ING1: variants seen among roughly 807,000 people sequenced by gnomAD.
ING1 encodes inhibitor of growth family member 1.
A neutral mutation model predicts 23.1 loss-of-function variants in ING1; 4 were observed. That is an observed-to-expected ratio of 0.17 (90% confidence interval 0.09 to 0.40). The LOEUF (loss-of-function observed/expected upper bound fraction) is 0.40. Ranked by LOEUF, ING1 falls within the 10% of genes least tolerant of loss-of-function variation. The pLI is 1.00. For missense variants in ING1, 256 were observed against 393.8 expected (o/e 0.65, Z 2.96); for synonymous variants, 179 against 166.4 (o/e 1.08, Z -0.58).
At chr13:110,713,432 A>G, upstream of ING1, 1 of 999,886 alleles carries the variant, frequency 1.0e-6, no homozygotes, top group Non-Finnish European at 1.2e-6. Context: ...CAAGTGCCAA[A>G]AACTCCTAGT....
In ING1 at chr13:110,714,832, G is replaced by C. The variant is rs13378206; in HGVS notation, c.136+547G>C. 517 of 280,836 alleles carry C rather than the reference G, an allele frequency of 1.8e-3. 4 individuals carry two copies. The highest frequency in any genetic ancestry group is 0.011 in the African/African-American group (481 of 43,926). 17.4% of individuals were successfully genotyped at this position (280,836 alleles called of 1,614,324 possible). A position where few individuals can be genotyped will look rare whatever the true frequency, so the allele number is the denominator to read the frequency against. Reference sequence around the variant, plus strand: ...CCGGGTAGTACTCCGCTCGGGGTAGGTCGGCCGCCCCCGCCCAGCCCCCTC... The same window carrying C: ...CCGGGTAGTACTCCGCTCGGGGTAGCTCGGCCGCCCCCGCCCAGCCCCCTC... On this transcript the variant is annotated intron_variant, in intron 1 of 1. Coordinates refer to ENST00000333219, the MANE Select transcript of ING1 (RefSeq NM_198219.3).
chr13:110,714,883 G>C (rs778354334), intron 1 of ING1: 51 of 724,410 alleles, frequency 7.0e-5, no homozygotes, highest in Non-Finnish European at 7.8e-5. Flanking sequence ...GCTGGACACC[G>C]AGTAGGGGCC....
chr13:110,714,410 C>CGGCAGG lies in ING1; in HGVS notation c.136+132_136+137dup, dbSNP rs1038814855. 37 of 921,662 alleles carry CGGCAGG rather than the reference C, an allele frequency of 4.0e-5. No homozygotes were observed. The Admixed American group carries it at 6.3e-4, about 16-fold the overall frequency. 57.1% of individuals were successfully genotyped at this position (921,662 alleles called of 1,614,324 possible). On this transcript the variant is annotated intron_variant, in intron 1 of 1. Transcript: ENST00000333219. ...CGGCCGGCTCCGCAGCGGCGGCCCT[C>CGGCAGG]GGCAGGGGCAGGAACAAAAGGTCTG...
At position 110,722,933 on chromosome 13, in the gene ING1, A is replaced by G. The variant is rs1018144928; in HGVS notation, c.*3001A>G. 1.3e-5 allele frequency: 2 copies of G among 152,230 alleles called. No individual in the cohort carries two copies. The highest frequency in any genetic ancestry group is 2.9e-5 in the Non-Finnish European group (2 of 68,036). The allele number at this position is 152,230 out of a possible 1,614,324, so 9.4% of individuals were successfully genotyped here. On this transcript the variant is annotated 3_prime_UTR_variant, in exon 2 of 2. Transcript: ENST00000333219. ...ATCCCGACATGAGGACAAAAATGGTACTGAATTCTTTTTGAAAAATAGATT... is the reference window on the plus strand; with the variant it reads ...ATCCCGACATGAGGACAAAAATGGTGCTGAATTCTTTTTGAAAAATAGATT...
chr13:110,717,379 T>A (rs1322586160), intron 1 of ING1, among the ~76,000 whole-genome samples: 1 of 152,210 alleles, frequency 6.6e-6, no homozygotes, highest in Non-Finnish European at 1.5e-5. Context: ...TGGAAAATAT[T>A]ACCATTTAGA....
At position 110,719,419 on chromosome 13, in the gene ING1, C is replaced by T. The variant is rs1594457254; in HGVS notation, c.327C>T (p.His109=). ...VENRTRQVDS[H]VELFEAQQEL... ...ACCGCACGCGGCAGGTGGACAGCCA[C>T]GTGGAGCTGTTCGAGGCGCAGCAGG... The change falls in exon 2 of 2, where the codon CAC becomes CAT. Residue 109 remains histidine, a synonymous_variant. Coordinates refer to ENST00000333219, the MANE Select transcript of ING1 (RefSeq NM_198219.3). The surrounding 1 kb of genome is among the most constrained non-coding windows in gnomAD (Gnocchi z 8.9). 1 of 1,611,636 alleles carries T rather than the reference C, an allele frequency of 6.2e-7. No individual in the cohort carries two copies. The highest frequency in any genetic ancestry group is 1.3e-5 in the African/African-American group (1 of 74,846).
At chr13:110,715,047 G>C in intron 1 of ING1, 1 of 1,003,824 alleles carries the variant, frequency 1.0e-6, no homozygotes, top group Non-Finnish European at 1.2e-6. Context: ...CGCTGGCTTG[G>C]AGAGGACTGT....
chr13:110,715,870 G>A (rs757669390), intron 1 of ING1: 14 of 1,595,216 alleles, frequency 8.8e-6, no homozygotes, highest in Middle Eastern at 3.4e-4. Context: ...TATAGCAGTA[G>A]CAGTGATCCC....
intron 1 of ING1, chr13:110,715,589 G>T: frequency 1.2e-6 from 2 of 1,614,114 alleles, no homozygotes; most frequent in Non-Finnish European, 8.5e-7. Flanking sequence ...GGGGTGGAGG[G>T]TGGACGAGTT....
rs921249175 is a variant in ING1, at chr13:110,719,171, C to A, written c.137-58C>A. The A allele has an allele frequency of 7.1e-6, 11 of 1,556,102 alleles. No individual in the cohort carries two copies. Among genetic ancestry groups the A allele is most frequent in the Non-Finnish European group, 9.7e-6 (11 of 1,135,908 alleles). ...GCCCTCTCCGTAGACCCGTCCGGGG[C>A]CGTGTGGGTTGTCCCGGTGTCCTGC... On this transcript the variant is annotated intron_variant, in intron 1 of 1. Transcript: ENST00000333219. This position sits in a 1 kb window ranked among gnomAD's most constrained non-coding sequence, Gnocchi z 8.9.
intron 1 of ING1, among the ~76,000 whole-genome samples, chr13:110,718,320 GT>G (rs2064141183): frequency 1.3e-5 from 2 of 152,220 alleles, no homozygotes; most frequent in South Asian, 4.1e-4. Context: ...GGAGGCTGAG[GT>G]GGGAGGGTCC....
In ING1 at chr13:110,713,787, C is replaced by G. The variant is rs2064070863; in HGVS notation, c.-363C>G. Reference sequence around the variant, plus strand: ...CGCTCCGCTCCTCTCTTCTACCCAGCCCAGTGGGCGAGTGGGCAGCGGCGG... The same window carrying G: ...CGCTCCGCTCCTCTCTTCTACCCAGGCCAGTGGGCGAGTGGGCAGCGGCGG... On this transcript the variant is annotated 5_prime_UTR_variant, in exon 1 of 2. Transcript: ENST00000333219. 1 of 984,676 alleles carries G rather than the reference C, an allele frequency of 1.0e-6. No individual in the cohort carries two copies. The highest frequency in any genetic ancestry group is 1.2e-6 in the Non-Finnish European group (1 of 829,664). 61.0% of individuals were successfully genotyped at this position (984,676 alleles called of 1,614,324 possible).
chr13:110,714,421 G>C (rs1801604628), intron 1 of ING1, 136 bp downstream of exon 1: 1 of 797,834 alleles, frequency 1.3e-6, no homozygotes, highest in Non-Finnish European at 1.7e-6. Context: ...GGCAGGGGCA[G>C]GAACAAAAGG....
intron 1 of ING1, chr13:110,714,958 T>TAGGGA (rs932613339): frequency 4.1e-5 from 40 of 976,988 alleles, no homozygotes; most frequent in African/African-American, 1.2e-4. Flanking sequence ...CTGTGTGCCG[T>TAGGGA]AGGGAAGGGA....
chr13:110,715,146 T>C (rs1566378465), intron 1 of ING1: 4 of 1,141,400 alleles, frequency 3.5e-6, no homozygotes, highest in South Asian at 7.3e-5. Context: ...CCGCCGGGAA[T>C]TGTTGGCTGT....
rs1378583831 is a variant in ING1, at chr13:110,722,004, A to T, written c.*2072A>T. 1 of 152,226 alleles carries T rather than the reference A, an allele frequency of 6.6e-6. No individual in the cohort carries two copies. Among genetic ancestry groups the T allele is most frequent in the Admixed American group, 6.5e-5 (1 of 15,282 alleles). 9.4% of individuals were successfully genotyped at this position (152,226 alleles called of 1,614,324 possible). On this transcript the variant is annotated 3_prime_UTR_variant, in exon 2 of 2. Coordinates refer to ENST00000333219, the MANE Select transcript of ING1 (RefSeq NM_198219.3). ...ACTTTCTAGAATCTAAGTATATGGCATGTATTTATTATAAGTAAAACATTA... is the reference window on the plus strand; with the variant it reads ...ACTTTCTAGAATCTAAGTATATGGCTTGTATTTATTATAAGTAAAACATTA...
At chr13:110,718,717 TATA>T (rs1157148602) in intron 1 of ING1, among the ~76,000 whole-genome samples, 1 of 151,816 alleles carries the variant, frequency 6.6e-6, no homozygotes, top group Non-Finnish European at 1.5e-5. Flanking sequence ...TCAAATAATT[TATA>T]ATATATTTTA....
intron 1 of ING1, chr13:110,715,867 G>GTAGC (rs1271524862): frequency 1.1e-5 from 18 of 1,595,522 alleles, no homozygotes; most frequent in Admixed American, 1.7e-5. Flanking sequence ...ATTTATAGCA[G>GTAGC]TAGCAGTGAT....
chr13:110,719,400 C>T lies in ING1; in HGVS notation c.308C>T (p.Thr103Met), dbSNP rs774284485. 6.2e-6 allele frequency: 10 copies of T among 1,610,970 alleles called. No homozygotes were observed. In the South Asian group the frequency reaches 9.9e-5, roughly 16 times the overall value. Residue 103 changes from threonine to methionine, a missense_variant, in exon 2 of 2, where the codon ACG (threonine) becomes ATG (methionine). Thr to Met is a moderately conservative substitution (Grantham distance 81). Coordinates refer to ENST00000333219, the MANE Select transcript of ING1 (RefSeq NM_198219.3). The surrounding 1 kb of genome is among the most constrained non-coding windows in gnomAD (Gnocchi z 8.9). The part of the protein sequence containing the change: ...SQMVELVENR[T>M]RQVDSHVELF... ...ATGGTGGAGCTGGTGGAGAACCGCA[C>T]GCGGCAGGTGGACAGCCACGTGGAG...
Sources: allele counts gnomAD v4.1 joint callset (sites outside exome capture counted in the v4.1 genomes callset), GRCh38; gene constraint gnomAD v4.1.1; non-coding constraint Gnocchi (gnomAD v3.1); transcripts MANE v1.5; gene names NCBI Gene and HGNC (gene_info 2026-07-23, HGNC 2026-07-21).